The following TRAF6 variants were observed in gnomAD, a reference collection of about 807,000 sequenced individuals.
The protein encoded by TRAF6 is TNF receptor-associated factor 6.
Under a neutral mutation model 48.4 loss-of-function variants are expected in TRAF6, and 10 were observed. That is an observed-to-expected ratio of 0.21 (90% CI 0.13 to 0.35). TRAF6 has a LOEUF of 0.35. TRAF6 is among the 10% of genes least tolerant of loss of function. TRAF6 has a pLI of 1.00. For missense variants in TRAF6, 397 were observed against 661.0 expected (o/e 0.60, Z 4.38); for synonymous variants, 186 against 219.6 (o/e 0.85, Z 1.35).
At chr11:36,507,944 C>T (rs769532819) in intron 1 of TRAF6, among the ~76,000 whole-genome samples, 3 of 150,970 alleles carry the variant, frequency 2.0e-5, no homozygotes, top group Admixed American at 6.6e-5. Context: ...CAGCCTCCAC[C>T]TCTTGGGCTC....
chr11:36,501,679 TAA>T (rs1413234598), intron 1 of TRAF6, 142 bp from the exon 2 acceptor site: 4 of 586,676 alleles, frequency 6.8e-6, no homozygotes, highest in East Asian at 3.1e-5. Flanking sequence ...AGAAAACTTT[TAA>T]AAGTGTTTTG....
chr11:36,496,455 CTGTAA>C (rs1182765911), intron 4 of TRAF6: 1 of 152,360 alleles, frequency 6.6e-6, no homozygotes, highest in East Asian at 1.9e-4. Flanking sequence ...TGGCACGTGC[CTGTAA>C]TCCCAGCTAC....
chr11:36,490,009 C>G lies in TRAF6; in HGVS notation c.1398G>C (p.Arg466=), dbSNP rs1859541823. The G allele has an allele frequency of 6.2e-7, 1 of 1,614,006 alleles. No individual in the cohort carries two copies. Among genetic ancestry groups the G allele is most frequent in the Non-Finnish European group, 8.5e-7 (1 of 1,180,030 alleles). Residue 466 remains arginine (R), a synonymous_variant, in exon 7 of 7, where the codon CGG becomes CGC. Coordinates refer to ENST00000526995, the MANE Select transcript of TRAF6 (RefSeq NM_004620.4). This position sits in a 1 kb window ranked among gnomAD's most constrained non-coding sequence, Gnocchi z 6.4. ...LLAFQRPTIP[R]NPKGFGYVTF... The stretch of plus-strand genomic sequence containing the variant: ...TTACATAGCCAAAACCTTTTGGGTT[C>G]CGTGGGATTGTGGGTCGCTGGAAAG...
rs1418393714 is a variant in TRAF6, at chr11:36,501,428, C to G, written c.88G>C (p.Val30Leu). 6.2e-7 allele frequency: 1 copy of G among 1,614,172 alleles called. No homozygotes were observed. The part of the protein sequence containing the change: ...CVAMASSCSA[V>L]TKDDSVGGTA... ...CCACCCACACTATCATCTTTTGTTA[C>G]AGCGCTACAGGAGCTGGCCATGGCC... Residue 30 changes from valine to leucine, a missense_variant, in exon 2 of 7, where the codon GTA (valine) becomes CTA (leucine). Val to Leu is a conservative substitution (Grantham distance 32). This residue lies in a region of TRAF6 where 73 missense variants were observed against 87.3 expected (regional missense o/e 0.84). Transcript: ENST00000526995.
chr11:36,497,364 T>TGAAAGA, intron 3 of TRAF6, 98 bp from the exon 4 acceptor site: 1 of 1,176,520 alleles, frequency 8.5e-7, no homozygotes, highest in Non-Finnish European at 1.2e-6. Flanking sequence ...AGCAGGCTAC[T>TGAAAGA]GAACCTACTT....
Position 36,488,263 on chromosome 11 carries a change from AT to A in TRAF6, c.*1574del, listed in dbSNP as rs1269144888. ...GAAACAAGGTCTCTGCTTGACTTTT[AT>A]TTTCACTCCATAACAAACTCACCAG... is the stretch of plus-strand genomic sequence containing the variant. On this transcript the variant is annotated 3_prime_UTR_variant, in exon 7 of 7. Coordinates refer to ENST00000526995, the MANE Select transcript of TRAF6 (RefSeq NM_004620.4). 1.7e-5 allele frequency: 2 copies of A among 117,248 alleles called. No homozygotes were observed. Among genetic ancestry groups the A allele is most frequent in the African/African-American group, 6.5e-5 (2 of 30,990 alleles). The allele number at this position is 117,248 out of a possible 1,614,324, so 7.3% of individuals were successfully genotyped here.
At position 36,489,833 on chromosome 11, in the gene TRAF6, G is replaced by A. The variant is rs771177752; in HGVS notation, c.*5C>T. On this transcript the variant is annotated 3_prime_UTR_variant, in exon 7 of 7. Transcript: ENST00000526995. ...GGTAGTTGTTTTTGAGCAAGTGAGGGCAAGCTATACCCCTGCATCAGTACT... is the reference window on the plus strand; with the variant it reads ...GGTAGTTGTTTTTGAGCAAGTGAGGACAAGCTATACCCCTGCATCAGTACT... 3.1e-6 allele frequency: 5 copies of A among 1,604,902 alleles called. No individual in the cohort carries two copies. The highest frequency in any genetic ancestry group is 1.3e-5 in the African/African-American group (1 of 74,590).
chr11:36,508,733 T>C (rs1411601327), intron 1 of TRAF6, among the ~76,000 whole-genome samples: 1 of 152,218 alleles, frequency 6.6e-6, no homozygotes, highest in Non-Finnish European at 1.5e-5. Context: ...CCTACAAATG[T>C]ACTCCAATGG....
chr11:36,493,237 C>A (rs1399725708), intron 5 of TRAF6, among the ~76,000 whole-genome samples: 2 of 152,152 alleles, frequency 1.3e-5, no homozygotes, highest in Non-Finnish European at 2.9e-5. Flanking sequence ...AGGTAAGATC[C>A]TTTATACTCA....
In TRAF6 at chr11:36,487,668, T is replaced by C. The variant is rs1227268143; in HGVS notation, c.*2170A>G. 6.6e-6 allele frequency: 1 copy of C among 152,172 alleles called. No homozygotes were observed. Among genetic ancestry groups the C allele is most frequent in the Non-Finnish European group, 1.5e-5 (1 of 68,024 alleles). 9.4% of individuals were successfully genotyped at this position (152,172 alleles called of 1,614,324 possible). ...CTCTAGAAATATCTGGTCCAAATCA[T>C]TTTACAGATGGGAAGCTTGCTAAAA... On this transcript the variant is annotated 3_prime_UTR_variant, in exon 7 of 7. Transcript: ENST00000526995.
In TRAF6 at chr11:36,490,776, C is replaced by G; in HGVS notation, c.757-126G>C. The G allele has an allele frequency of 1.2e-6, 1 of 842,890 alleles. No homozygotes were observed. The highest frequency in any genetic ancestry group is 2.9e-5 in the Admixed American group (1 of 34,024). 52.2% of individuals were successfully genotyped at this position (842,890 alleles called of 1,614,324 possible). ...CTTCCCTCAATTCTCTACAATTTTC[C>G]TTTGCCTTCAACAGATTCTTGATCC... is the stretch of plus-strand genomic sequence containing the variant. On this transcript the variant is annotated intron_variant, in intron 6 of 6. Coordinates refer to ENST00000526995, the MANE Select transcript of TRAF6 (RefSeq NM_004620.4). This position sits in a 1 kb window ranked among gnomAD's most constrained non-coding sequence, Gnocchi z 6.4.
intron 6 of TRAF6, among the ~76,000 whole-genome samples, chr11:36,491,514 G>A (rs1859563903): frequency 6.6e-6 from 1 of 151,798 alleles, no homozygotes; most frequent in East Asian, 1.9e-4. Flanking sequence ...TTACACATAA[G>A]TCAGGGAAAA....
At chr11:36,505,111 G>GT (rs1481083820) in intron 1 of TRAF6, among the ~76,000 whole-genome samples, 1 of 152,168 alleles carries the variant, frequency 6.6e-6, no homozygotes, top group African/African-American at 2.4e-5. Context: ...ATGAGCACTG[G>GT]TGTCAACTCA....
In TRAF6 at chr11:36,490,312, T is replaced by C; in HGVS notation, c.1095A>G (p.Lys365=). The change falls in exon 7 of 7, where the codon AAA becomes AAG. Residue 365 remains lysine (K), a synonymous_variant. Transcript: ENST00000526995. The surrounding 1 kb of genome is among the most constrained non-coding windows in gnomAD (Gnocchi z 6.4). ...WKIGNFGMHL[K]CQEEEKPVVI... is the part of the protein sequence containing the mutation. ...CAACAGGTTTCTCCTCTTCTTGACA[T>C]TTCAAATGCATTCCAAAGTTGCCAA... is the stretch of plus-strand genomic sequence containing the variant. 6.2e-7 allele frequency: 1 copy of C among 1,614,218 alleles called. No homozygotes were observed. The highest frequency in any genetic ancestry group is 8.5e-7 in the Non-Finnish European group (1 of 1,180,038).
chr11:36,506,430 T>A (rs997635706), intron 1 of TRAF6, among the ~76,000 whole-genome samples: 4 of 152,186 alleles, frequency 2.6e-5, no homozygotes, highest in African/African-American at 7.2e-5. Context: ...ATTTTTTTTT[T>A]AAGTAAAATC....
At position 36,501,444 on chromosome 11, in the gene TRAF6, G is replaced by A. The variant is rs1859714730; in HGVS notation, c.72C>T (p.Ala24=). 1.2e-6 allele frequency: 2 copies of A among 1,614,086 alleles called. No individual in the cohort carries two copies. The highest frequency in any genetic ancestry group is 1.7e-6 in the Non-Finnish European group (2 of 1,180,016). The part of the protein sequence containing the change: ...QSESDCCVAM[A]SSCSAVTKDD... ...CTTTTGTTACAGCGCTACAGGAGCTGGCCATGGCCACACAGCAGTCACTTT... is the reference window on the plus strand; with the variant it reads ...CTTTTGTTACAGCGCTACAGGAGCTAGCCATGGCCACACAGCAGTCACTTT... Residue 24 remains alanine (A), a synonymous_variant, in exon 2 of 7, where the codon GCC becomes GCT. Coordinates refer to ENST00000526995, the MANE Select transcript of TRAF6 (RefSeq NM_004620.4).
intron 1 of TRAF6, among the ~76,000 whole-genome samples, chr11:36,504,629 T>C (rs570460072): frequency 6.6e-6 from 1 of 152,232 alleles, no homozygotes; most frequent in African/African-American, 2.4e-5. Context: ...TTAAGGCTGA[T>C]ATTTTGACCT....
chr11:36,503,144 T>A (rs1313628730), intron 1 of TRAF6, among the ~76,000 whole-genome samples: 1 of 152,206 alleles, frequency 6.6e-6, no homozygotes, highest in Non-Finnish European at 1.5e-5. Flanking sequence ...AATTTGTCCA[T>A]GAAGCTGCAT....
At chr11:36,494,288 C>A (rs5030469) in intron 5 of TRAF6, among the ~76,000 whole-genome samples, 6 of 152,076 alleles carry the variant, frequency 3.9e-5, no homozygotes, top group African/African-American at 9.7e-5. Context: ...GTAGGAGGAT[C>A]GCCTGAGCCA....
Sources: gnomAD v4.1 joint callset for allele counts (sites outside exome capture counted in the v4.1 genomes callset) on GRCh38, gnomAD v4.1.1 for gene constraint, gnomAD v4.1.1 regional missense constraint, Gnocchi (gnomAD v3.1) non-coding constraint, MANE v1.5 for transcripts, NCBI Gene and HGNC (gene_info 2026-07-23, HGNC 2026-07-21) for gene names.